The following MUC22 variants were observed in gnomAD, a reference collection of about 807,000 sequenced individuals.
The protein encoded by MUC22 is mucin 22, also known as mucin-22.
In MUC22, 24 loss-of-function variants were observed where a neutral mutation model predicts 40.3. The observed-to-expected ratio is 0.60, with a 90% CI of 0.43 to 0.84. The LOEUF (loss-of-function observed/expected upper bound fraction) is 0.84, where lower values mean the gene tolerates loss of function less well. Ranked by LOEUF, MUC22 falls within the 40% of genes least tolerant of loss-of-function variation. The probability of loss-of-function intolerance (pLI) is 0.00; values close to 1 mark genes in which losing one functional copy is unlikely to be tolerated. For synonymous variants in MUC22, 765 were observed against 844.5 expected, an observed-to-expected ratio of 0.91 and a Z score of 1.63; for missense variants, 1,926 against 2,130.7, an observed-to-expected ratio of 0.90 and a Z score of 1.89.
intron 1 of MUC22, among the ~76,000 whole-genome samples, chr6:31,017,160 A>G (rs1764278763): frequency 6.6e-6 from 1 of 152,180 alleles, no homozygotes; most frequent in Non-Finnish European, 1.5e-5. Context: ...GGTCCCATAG[A>G]CTGCCCAAGG....
intron 2 of MUC22, among the ~76,000 whole-genome samples, chr6:31,030,344 A>C (rs1268752370): frequency 1.3e-5 from 2 of 152,014 alleles, no homozygotes; most frequent in Non-Finnish European, 2.9e-5. Flanking sequence ...GGTGAAATCC[A>C]GTCTCTACTA....
exon 2 of MUC22, chr6:31,025,646 G>A (rs967542252): frequency 2.0e-6 from 3 of 1,531,782 alleles, no homozygotes; most frequent in Admixed American, 2.0e-5. Context: ...TCTACCACAG[G>A]CTCTGAGACA....
chr6:31,010,436 C>T, upstream of MUC22: 2 of 453,090 alleles, frequency 4.4e-6, no homozygotes, highest in South Asian at 3.1e-5. Context: ...CTCCCCTACT[C>T]AGTATCAGCT....
chr6:31,021,855 C>G (rs1184934581), intron 1 of MUC22, among the ~76,000 whole-genome samples: 1 of 152,096 alleles, frequency 6.6e-6, no homozygotes, highest in Non-Finnish European at 1.5e-5. Context: ...GGTCGTTTTC[C>G]ACACTGTGGA....
exon 2 of MUC22, chr6:31,029,921 T>C (rs1368200158): frequency 5.3e-6 from 8 of 1,510,868 alleles, no homozygotes; most frequent in Admixed American, 2.0e-5. Context: ...GAGAGCACCA[T>C]AGCTTCCACT....
chr6:31,029,198 C>T lies in MUC22; in HGVS notation c.3767C>T (p.Thr1256Ile), dbSNP rs1338662476. 2.0e-6 allele frequency: 3 copies of T among 1,535,142 alleles called. No homozygotes were observed. Among genetic ancestry groups the T allele is most frequent in the Non-Finnish European group, 1.7e-6 (2 of 1,146,764 alleles). The stretch of plus-strand genomic sequence containing the variant: ...GCCTCTATTGAAGGCTCTGAGACCA[C>T]TACAGTCTCCTCCACAGGCTCTGAG... The change falls in exon 2 of 4, where the codon ACT becomes ATT. Residue 1256 changes from threonine (T) to isoleucine (I), a missense_variant. Thr to Ile is a moderately conservative substitution (Grantham distance 89). Around this residue, in one of 3 missense-constraint regions of MUC22, gnomAD observed 610 missense variants for 714.6 expected, o/e 0.85. Transcript: ENST00000561890.
At chr6:31,021,103 G>A (rs1321881275) in intron 1 of MUC22, among the ~76,000 whole-genome samples, 2 of 152,276 alleles carry the variant, frequency 1.3e-5, no homozygotes, top group Non-Finnish European at 2.9e-5. Flanking sequence ...GCTGAGGACT[G>A]TGAGCGCATG....
At chr6:31,027,637 A>G in exon 2 of MUC22, 3 of 1,529,570 alleles carry the variant, frequency 2.0e-6, no homozygotes, top group Non-Finnish European at 2.6e-6. Context: ...CTCTGAGACC[A>G]CCACAGCCTC....
At chr6:31,015,714 A>G (rs981920157) in intron 1 of MUC22, among the ~76,000 whole-genome samples, 9 of 152,154 alleles carry the variant, frequency 5.9e-5, no homozygotes, top group African/African-American at 1.9e-4. Context: ...CTTGTAAAAG[A>G]CCCATTCTTT....
intron 1 of MUC22, among the ~76,000 whole-genome samples, chr6:31,018,342 A>T (rs1405305012): frequency 1.3e-5 from 2 of 152,218 alleles, no homozygotes; most frequent in African/African-American, 4.8e-5. Flanking sequence ...GTATTTAGTC[A>T]CATGCCACAC....
chr6:31,019,540 T>G (rs1581621646), intron 1 of MUC22, among the ~76,000 whole-genome samples: 3 of 152,198 alleles, frequency 2.0e-5, no homozygotes, highest in Non-Finnish European at 4.4e-5. Context: ...GAGACAGCAG[T>G]GGCCCAGAGA....
intron 1 of MUC22, among the ~76,000 whole-genome samples, chr6:31,019,493 G>A (rs1156820929): frequency 6.6e-6 from 1 of 152,154 alleles, no homozygotes; most frequent in Admixed American, 6.5e-5. Context: ...CATTAGGTGA[G>A]GCAGAGCAAA....
At chr6:31,015,520 A>C (rs1481332397) in intron 1 of MUC22, among the ~76,000 whole-genome samples, 1 of 152,118 alleles carries the variant, frequency 6.6e-6, no homozygotes, top group African/African-American at 2.4e-5. Flanking sequence ...GAAGAGAAAA[A>C]TGGGCCCAGC....
intron 1 of MUC22, among the ~76,000 whole-genome samples, chr6:31,023,684 T>C (rs1182198253): frequency 6.6e-6 from 1 of 152,162 alleles, no homozygotes; most frequent in Non-Finnish European, 1.5e-5. Flanking sequence ...AAATACATTT[T>C]AACTAACTAT....
At chr6:31,014,984 G>A (rs1387624307) in intron 1 of MUC22, among the ~76,000 whole-genome samples, 2 of 152,130 alleles carry the variant, frequency 1.3e-5, no homozygotes, top group Non-Finnish European at 2.9e-5. Context: ...GTGAAGGAAA[G>A]ATTTATGTCT....
chr6:31,029,423 C>A (rs755237623), exon 2 of MUC22: 1 of 1,534,750 alleles, frequency 6.5e-7, no homozygotes, highest in Non-Finnish European at 8.7e-7. Flanking sequence ...GCCTCTACCG[C>A]AGATTTGGAG....
chr6:31,030,293 G>A lies in MUC22; in HGVS notation c.4669+193G>A, dbSNP rs138366053. Among the ~76,000 whole-genome samples the A allele has an allele frequency of 2.5e-3, 387 of 152,228 alleles. 4 individuals carry two copies. Among genetic ancestry groups the A allele is most frequent in the Middle Eastern group, 0.01 (3 of 294 alleles). ...AGCACATTGGAAGGCTGAGGCGAGC[G>A]AATCACGAGATCAGGAGATTGAGAC... On this transcript the variant is annotated intron_variant, in intron 2 of 3. Coordinates refer to ENST00000561890, the Ensembl canonical transcript of MUC22.
Position 31,035,099 on chromosome 6 carries a change from A to G in MUC22, c.*161A>G, listed in dbSNP as rs559654240. The G allele has an allele frequency of 4.2e-5, 33 of 789,238 alleles. 1 individual carries two copies. The highest frequency in any genetic ancestry group is 2.7e-4 in the East Asian group (10 of 36,994). 48.9% of individuals were successfully genotyped at this position (789,238 alleles called of 1,614,324 possible). A position where few individuals can be genotyped will look rare whatever the true frequency, so the allele number is the denominator to read the frequency against. On this transcript the variant is annotated 3_prime_UTR_variant, in exon 4 of 4. Coordinates refer to ENST00000561890, the Ensembl canonical transcript of MUC22. ...GAAATAATTAAAATGGAGCATAGGA[A>G]GCTTCCCAGGATGTGATCCATGGAG...
At chr6:31,009,648 C>T (rs1008414452), upstream of MUC22, among the ~76,000 whole-genome samples, 4 of 152,198 alleles carry the variant, frequency 2.6e-5, no homozygotes, top group Non-Finnish European at 5.9e-5. Flanking sequence ...TCCTCATTTC[C>T]AACCCCAGGC....
Sources: gnomAD v4.1 joint callset for allele counts (sites outside exome capture counted in the v4.1 genomes callset) on GRCh38, gnomAD v4.1.1 for gene constraint, gnomAD v4.1.1 regional missense constraint, MANE v1.5 for transcripts, NCBI Gene and HGNC (gene_info 2026-07-23, HGNC 2026-07-21) for gene names.